PIEZO1: variants seen among roughly 807,000 people sequenced by gnomAD.
The protein encoded by PIEZO1 is piezo type mechanosensitive ion channel component 1 (Er blood group).
A neutral mutation model predicts 297.2 loss-of-function variants in PIEZO1; 296 were observed. The ratio of observed to expected loss-of-function variants is 1.00; its 90% confidence interval spans 0.91 to 1.10. The LOEUF is 1.10. Ranked by LOEUF, PIEZO1 falls within the 50% of genes least tolerant of loss-of-function variation. PIEZO1 has a pLI of 0.00. For synonymous variants in PIEZO1, 2,427 were observed against 1,507.5 expected, an observed-to-expected ratio of 1.61 and a Z score of -14.13; for missense variants, 5,018 against 3,455.5, an observed-to-expected ratio of 1.45 and a Z score of -11.34.
rs764371606 is a variant in PIEZO1, at chr16:88,736,174, A to C, written c.1531T>G (p.Tyr511Asp). The change falls in exon 12 of 51, where the codon TAC becomes GAC. Residue 511 changes from tyrosine to aspartate, a missense_variant. Physicochemically the swap from Tyr to Asp is radical, Grantham distance 160. Transcript: ENST00000301015. ...LRQLGLEHTR[Y>D]PCLDLGAMLL... Reference sequence around the variant, plus strand: ...ATGGCACCAAGGTCCAGACAGGGGTAGCGGGTGTGCTCCAGCCCCAGCTGG... The same window carrying C: ...ATGGCACCAAGGTCCAGACAGGGGTCGCGGGTGTGCTCCAGCCCCAGCTGG... The C allele has an allele frequency of 3.9e-5, 61 of 1,548,376 alleles. No individual in the cohort carries two copies. The highest frequency in any genetic ancestry group is 4.6e-5 in the Non-Finnish European group (53 of 1,146,328).
intron 1 of PIEZO1, among the ~76,000 whole-genome samples, chr16:88,757,333 G>GGGGGGGT (rs1906723830): frequency 1.7e-5 from 2 of 119,580 alleles, no homozygotes; most frequent in Non-Finnish European, 3.7e-5. Flanking sequence ...GGGGTGGGGG[G>GGGGGGGT]TAGTTACCTA....
At chr16:88,745,874 C>T (rs1407145713) in intron 2 of PIEZO1, 1 of 152,230 alleles carries the variant, frequency 6.6e-6, no homozygotes, top group East Asian at 1.9e-4. Flanking sequence ...GCATGGACCT[C>T]CCCCAGAGCC....
At chr16:88,779,271 T>G (rs1412261455) in intron 1 of PIEZO1, among the ~76,000 whole-genome samples, 2 of 152,108 alleles carry the variant, frequency 1.3e-5, no homozygotes, top group Non-Finnish European at 2.9e-5. Context: ...ACTCCTGACC[T>G]CAGGTGATCC....
intron 44 of PIEZO1, 45 bp downstream of exon 44, chr16:88,719,529 C>G: frequency 6.6e-7 from 1 of 1,515,194 alleles, no homozygotes; most frequent in East Asian, 2.5e-5. Context: ...AGGGAGAGGG[C>G]ATATCCCTGG....
chr16:88,774,817 G>A (rs1181668342), intron 1 of PIEZO1, among the ~76,000 whole-genome samples: 1 of 152,196 alleles, frequency 6.6e-6, no homozygotes, highest in African/African-American at 2.4e-5. Context: ...AGCGAACGGT[G>A]CCCACATGGT....
chr16:88,719,356 C>T, intron 44 of PIEZO1: 1 of 565,728 alleles, frequency 1.8e-6, no homozygotes, highest in Non-Finnish European at 3.2e-6. Context: ...GGAACAGGAC[C>T]AACTCCGCTG....
At chr16:88,759,992 A>C (rs1285856019) in intron 1 of PIEZO1, among the ~76,000 whole-genome samples, 1 of 151,878 alleles carries the variant, frequency 6.6e-6, no homozygotes, top group Non-Finnish European at 1.5e-5. Flanking sequence ...ACAGGCTCCC[A>C]AAACCCCAGC....
At chr16:88,738,959 G>A (rs183840440) in intron 5 of PIEZO1, 1 of 585,496 alleles carries the variant, frequency 1.7e-6, no homozygotes, top group Non-Finnish European at 3.0e-6. Flanking sequence ...AGGCCTTCCT[G>A]GTAGCAGCTC....
intron 44 of PIEZO1, chr16:88,719,294 G>A (rs962047431): frequency 4.7e-6 from 2 of 428,064 alleles, no homozygotes; most frequent in East Asian, 4.1e-5. Context: ...GCAGCAAACA[G>A]TGGCTGTCCG....
At position 88,726,878 on chromosome 16, in the gene PIEZO1, G is replaced by T. The variant is rs762178515; in HGVS notation, c.3536C>A (p.Ala1179Asp). The T allele has an allele frequency of 1.3e-6, 2 of 1,550,230 alleles. No homozygotes were observed. The highest frequency in any genetic ancestry group is 1.4e-5 in the African/African-American group (1 of 73,044). The change falls in exon 25 of 51, where the codon GCC becomes GAC. Residue 1179 changes from alanine (A) to aspartate (D), a missense_variant. Coordinates refer to ENST00000301015, the MANE Select transcript of PIEZO1 (RefSeq NM_001142864.4). ...LVLVVVFVTGATRISIFGLGY... is the reference protein window; with the variant it reads ...LVLVVVFVTGDTRISIFGLGY... ...CAGCCCGAAGATGCTGATGCGGGTG[G>T]CCCCCGTGACAAACACCACCACCAG...
rs918125996 is a variant in PIEZO1 at position 88,725,572 on chromosome 16, G to A, written c.4058+23C>T. Reference sequence around the variant, plus strand: ...GAGCATTGGGGGGAGGAGCCGGGGAGTCCCCGCCCCAGAGGCACCTACTGT... The same window carrying A: ...GAGCATTGGGGGGAGGAGCCGGGGAATCCCCGCCCCAGAGGCACCTACTGT... On this transcript the variant is annotated intron_variant, in intron 28 of 50. Coordinates refer to ENST00000301015, the MANE Select transcript of PIEZO1 (RefSeq NM_001142864.4). 60 of 1,531,152 alleles carry A rather than the reference G, an allele frequency of 3.9e-5. No homozygotes were observed. In the East Asian group the frequency reaches 9.3e-4, roughly 24 times the overall value. The allele number at this position is 1,531,152 out of a possible 1,614,324, so 94.8% of individuals were successfully genotyped here.
At position 88,716,036 on chromosome 16, in the gene PIEZO1, C is replaced by A; in HGVS notation, c.7213G>T (p.Val2405Phe). 1.9e-5 allele frequency: 30 copies of A among 1,550,222 alleles called. No individual in the cohort carries two copies. Among genetic ancestry groups the A allele is most frequent in the Non-Finnish European group, 2.6e-5 (30 of 1,146,908 alleles). The part of the protein sequence containing the change: ...AGATGFLEWW[V>F]IELQECRTDC... The stretch of plus-strand genomic sequence containing the variant: ...GTCCGGCACTCCTGCAGCTCGATGA[C>A]CCACCATTCGAGGAAGCCGGTGGCC... Residue 2405 changes from valine to phenylalanine, a missense_variant, in exon 50 of 51, where the codon GTC becomes TTC. Coordinates refer to ENST00000301015, the MANE Select transcript of PIEZO1 (RefSeq NM_001142864.4).
At chr16:88,721,121 C>A in intron 39 of PIEZO1, 45 bp downstream of exon 39, 1 of 1,450,414 alleles carries the variant, frequency 6.9e-7, no homozygotes, top group South Asian at 1.4e-5. Flanking sequence ...TAGCCCCACT[C>A]AGAAAACTGG....
At chr16:88,754,499 G>C (rs894435999) in intron 1 of PIEZO1, among the ~76,000 whole-genome samples, 1 of 152,210 alleles carries the variant, frequency 6.6e-6, no homozygotes. Context: ...CCGGGTGGGA[G>C]AGGAGAAACT....
chr16:88,773,973 C>A (rs1025353926), intron 1 of PIEZO1, among the ~76,000 whole-genome samples: 1 of 152,208 alleles, frequency 6.6e-6, no homozygotes, highest in African/African-American at 2.4e-5. Context: ...GCACCGCAAG[C>A]CTCCTCCCCG....
chr16:88,743,078 G>A (rs748847766), intron 2 of PIEZO1: 1 of 456,564 alleles, frequency 2.2e-6, no homozygotes, highest in South Asian at 1.5e-5. Context: ...ACCCACACCT[G>A]GCAGGAAGCG....
rs1409874483 is a variant in PIEZO1, at chr16:88,717,389, A to T, written c.6472-178T>A. ...GAGTAGAACTAAGAGTCCAGTTGGA[A>T]CCCTCATGTTCAGGGGTCGTTGATC... On this transcript the variant is annotated intron_variant, in intron 44 of 50. Coordinates refer to ENST00000301015, the MANE Select transcript of PIEZO1 (RefSeq NM_001142864.4). The T allele has an allele frequency of 1.8e-5, 12 of 657,978 alleles. No individual in the cohort carries two copies. The Admixed American group carries it at 2.6e-4, about 14-fold the overall frequency. The allele number at this position is 657,978 out of a possible 1,614,324, so 40.8% of individuals were successfully genotyped here. A position where few individuals can be genotyped will look rare whatever the true frequency, so the allele number is the denominator to read the frequency against.
chr16:88,742,554 A>C, intron 2 of PIEZO1, 132 bp from the exon 3 acceptor site: 1 of 924,606 alleles, frequency 1.1e-6, no homozygotes, highest in Middle Eastern at 3.4e-4. Flanking sequence ...CCATGGACTC[A>C]GGACCCCATC....
At chr16:88,772,992 C>G (rs1907494112) in intron 1 of PIEZO1, among the ~76,000 whole-genome samples, 1 of 152,210 alleles carries the variant, frequency 6.6e-6, no homozygotes, top group South Asian at 2.1e-4. Context: ...CCAGGGGTGC[C>G]TGGAAGACTG....
Sources: gnomAD v4.1 joint callset for allele counts (sites outside exome capture counted in the v4.1 genomes callset) on GRCh38, gnomAD v4.1.1 for gene constraint, MANE v1.5 for transcripts, NCBI Gene and HGNC (gene_info 2026-07-23, HGNC 2026-07-21) for gene names.